Variants in DIAPH2 observed in about 807,000 individuals in gnomAD.
The protein encoded by DIAPH2 is protein diaphanous homolog 2.
DIAPH2 carries 35 observed loss-of-function variants against 92.7 expected under a neutral mutation model. The ratio of observed to expected loss-of-function variants is 0.38; its 90% CI spans 0.29 to 0.50. The LOEUF (loss-of-function observed/expected upper bound fraction) is 0.50. DIAPH2 is among the 20% of genes least tolerant of loss of function. The probability of loss-of-function intolerance (pLI) is 0.94; values close to 1 mark genes in which losing one functional copy is unlikely to be tolerated. For synonymous variants in DIAPH2, 301 were observed against 280.4 expected, an observed-to-expected ratio of 1.07 and a Z score of -0.73; for missense variants, 701 against 819.5, an observed-to-expected ratio of 0.86 and a Z score of 1.77.
chrX:97,433,584 G>C (rs2070150903), intron 26 of DIAPH2, among the ~76,000 whole-genome samples: 1 of 109,499 alleles, frequency 9.1e-6, no homozygotes, highest in Non-Finnish European at 1.9e-5. Flanking sequence ...GTACACAGGT[G>C]ATAAATAACG....
chrX:96,789,390 TA>T (rs764240263), intron 4 of DIAPH2, among the ~76,000 whole-genome samples: 13 of 111,899 alleles, frequency 1.2e-4, no homozygotes, highest in Admixed American at 7.6e-4. Context: ...ACAGGCATAG[TA>T]AACCATCCTT....
intron 24 of DIAPH2, among the ~76,000 whole-genome samples, chrX:97,365,865 C>A (rs2069376207): frequency 9.1e-6 from 1 of 109,603 alleles, no homozygotes; most frequent in Non-Finnish European, 1.9e-5. Flanking sequence ...CCATGCCCAG[C>A]TAATTTTTGT....
intron 5 of DIAPH2, among the ~76,000 whole-genome samples, chrX:96,883,170 A>T (rs1444023385): frequency 9.1e-6 from 1 of 109,775 alleles, no homozygotes; most frequent in Non-Finnish European, 1.9e-5. Context: ...GAGCTCAGTC[A>T]TTCAGTTTGG....
chrX:97,490,018 A>G (rs1318749625), intron 26 of DIAPH2, among the ~76,000 whole-genome samples: 2 of 111,301 alleles, frequency 1.8e-5, no homozygotes, highest in African/African-American at 6.5e-5. Context: ...TATTTGATAA[A>G]ATTCACCACT....
chrX:97,196,942 A>G (rs760735268), intron 22 of DIAPH2, among the ~76,000 whole-genome samples: 5 of 109,364 alleles, frequency 4.6e-5, no homozygotes, highest in African/African-American at 1.7e-4. Flanking sequence ...ATGTGCCACC[A>G]CGCCTGACTA....
At chrX:97,480,020 G>A (rs1286391549) in intron 26 of DIAPH2, among the ~76,000 whole-genome samples, 5 of 111,793 alleles carry the variant, frequency 4.5e-5, no homozygotes, top group Non-Finnish European at 9.4e-5. Flanking sequence ...TTAATAATAG[G>A]CTATGAAAGA....
intron 10 of DIAPH2, among the ~76,000 whole-genome samples, chrX:96,935,088 G>A (rs746317821): frequency 4.2e-3 from 466 of 111,304 alleles, no homozygotes; most frequent in Admixed American, 6.3e-3. Context: ...GATCTATACC[G>A]CATGTCTTTT....
At chrX:97,087,248 G>A (rs753698552) in intron 19 of DIAPH2, among the ~76,000 whole-genome samples, 1 of 112,075 alleles carries the variant, frequency 8.9e-6, no homozygotes, top group South Asian at 3.8e-4. Flanking sequence ...TATCCCATAT[G>A]AAGGATTCAG....
At chrX:97,348,006 G>A in intron 23 of DIAPH2, 110 bp from the exon 24 acceptor site, 5 of 740,349 alleles carry the variant, frequency 6.8e-6, no homozygotes, top group South Asian at 2.7e-5. Flanking sequence ...ACAAGTATTT[G>A]TGCATTACTA....
chrX:96,977,408 G>A (rs950485983), intron 17 of DIAPH2, among the ~76,000 whole-genome samples: 5 of 111,610 alleles, frequency 4.5e-5, no homozygotes, highest in African/African-American at 1.6e-4. Context: ...TAGGCATTTG[G>A]TAATGATATA....
Position 97,383,901 on chromosome X carries a change from A to G in DIAPH2, c.3010-8A>G, listed in dbSNP as rs771581162. 3.4e-6 allele frequency: 4 copies of G among 1,170,456 alleles called. No individual in the cohort carries two copies. Among genetic ancestry groups the G allele is most frequent in the African/African-American group, 1.8e-5 (1 of 54,969 alleles). ...AAGGTTTCCATTTAACTTTGTTTAT[A>G]TGTATAGGAAGCAGTGAGAGAAAAC... is the stretch of plus-strand genomic sequence containing the variant. On this transcript the variant is annotated splice_region_variant and splice_polypyrimidine_tract_variant and intron_variant, in intron 24 of 26. Transcript: ENST00000324765.
At chrX:97,264,878 C>T (rs571760433) in intron 23 of DIAPH2, among the ~76,000 whole-genome samples, 3 of 110,637 alleles carry the variant, frequency 2.7e-5, no homozygotes, top group Non-Finnish European at 5.7e-5. Flanking sequence ...CAGCTACTTG[C>T]GAGGCTGAGG....
At chrX:96,828,445 T>C (rs778015515) in intron 4 of DIAPH2, among the ~76,000 whole-genome samples, 1 of 112,168 alleles carries the variant, frequency 8.9e-6, no homozygotes, top group Non-Finnish European at 1.9e-5. Context: ...ATTTGTCACA[T>C]ATGCATGTGG....
At chrX:97,042,730 GTTTAT>G (rs2066455971) in intron 17 of DIAPH2, among the ~76,000 whole-genome samples, 1 of 111,711 alleles carries the variant, frequency 9.0e-6, no homozygotes, top group African/African-American at 3.2e-5. Context: ...TTCTTATCTT[GTTTAT>G]TTTGTTTGCT....
chrX:97,370,987 A>G (rs1483143323), intron 24 of DIAPH2, among the ~76,000 whole-genome samples: 1 of 111,779 alleles, frequency 8.9e-6, no homozygotes, highest in South Asian at 3.7e-4. Context: ...AAATGTTACA[A>G]AACAAATGCT....
intron 3 of DIAPH2, among the ~76,000 whole-genome samples, chrX:96,752,711 C>T (rs1450448482): frequency 9.0e-5 from 10 of 111,375 alleles, no homozygotes; most frequent in Non-Finnish European, 1.7e-4. Flanking sequence ...GGGAGAACAG[C>T]GCATCATGAG....
At chrX:97,550,032 A>T (rs777500212) in intron 26 of DIAPH2, among the ~76,000 whole-genome samples, 1 of 112,842 alleles carries the variant, frequency 8.9e-6, no homozygotes, top group African/African-American at 3.2e-5. Context: ...GGTTTCATTT[A>T]AACATAGAAT....
chrX:97,545,531 AAAAT>A (rs1366366099), intron 26 of DIAPH2, among the ~76,000 whole-genome samples: 338 of 19,051 alleles, frequency 0.018, no homozygotes, highest in Admixed American at 0.048. Context: ...TGAAAAAAAA[AAAAT>A]ATATATATAT....
At chrX:97,208,281 A>G (rs2067813821) in intron 22 of DIAPH2, among the ~76,000 whole-genome samples, 1 of 112,213 alleles carries the variant, frequency 8.9e-6, no homozygotes, top group South Asian at 3.7e-4. Flanking sequence ...ATAATAGTAA[A>G]CAAGACATGG....
Sources: allele counts gnomAD v4.1 joint callset (sites outside exome capture counted in the v4.1 genomes callset), GRCh38; gene constraint gnomAD v4.1.1; transcripts MANE v1.5; gene names NCBI Gene and HGNC (gene_info 2026-07-23, HGNC 2026-07-21).